Variants in SCAP observed in about 807,000 individuals in gnomAD.
SCAP encodes sterol regulatory element-binding protein cleavage-activating protein.
In SCAP, 65 loss-of-function variants were observed where a neutral mutation model predicts 123.6. The observed-to-expected ratio is 0.53, with a 90% confidence interval of 0.43 to 0.65. SCAP has a LOEUF of 0.65. Ranked by LOEUF, SCAP falls within the 30% of genes least tolerant of loss-of-function variation. SCAP has a pLI of 0.00. For missense variants in SCAP, 1,398 were observed against 1,712.5 expected (o/e 0.82, Z 3.24); for synonymous variants, 740 against 726.3 (o/e 1.02, Z -0.30).
At chr3:47,415,601 AAGC>A (rs1406942318) in intron 18 of SCAP, among the ~76,000 whole-genome samples, 2 of 152,128 alleles carry the variant, frequency 1.3e-5, no homozygotes, top group African/African-American at 2.4e-5. Flanking sequence ...CTCCACATAA[AAGC>A]AGCTTCAACC....
chr3:47,420,401 G>A lies in SCAP; in HGVS notation c.1563+153C>T, dbSNP rs1324464132. On this transcript the variant is annotated intron_variant, in intron 12 of 22. Coordinates refer to ENST00000265565, the MANE Select transcript of SCAP (RefSeq NM_012235.4). This position sits in a 1 kb window ranked among gnomAD's most constrained non-coding sequence, Gnocchi z 5.0. ...AAGCCACTAGGGTCTGGGCAGGGAG[G>A]ACACAACGGGCAACTCCCCAGAGCC... 6.6e-6 allele frequency among the ~76,000 whole-genome samples: 1 copy of A among 152,160 alleles called. No homozygotes were observed. The highest frequency in any genetic ancestry group is 2.4e-5 in the African/African-American group (1 of 41,434).
rs1475081788 is a variant in SCAP, at chr3:47,417,206, A to G, written c.2972T>C (p.Val991Ala). Residue 991 changes from valine to alanine, a missense_variant and splice_region_variant, in exon 18 of 23, where the codon GTG (valine) becomes GCG (alanine). This residue lies in a region of SCAP where 828 missense variants were observed against 882.5 expected (regional missense o/e 0.94). Coordinates refer to ENST00000265565, the MANE Select transcript of SCAP (RefSeq NM_012235.4). ...CAGCACCCCTTCAATGGCGTCCCAC[A>G]CCTACGAGTCCAGAGGCTGTGAGCA... The part of the protein sequence containing the change: ...VVGRSSGRLE[V>A]WDAIEGVLCC... The G allele has an allele frequency of 6.2e-7, 1 of 1,612,852 alleles. No individual in the cohort carries two copies. Among genetic ancestry groups the G allele is most frequent in the Non-Finnish European group, 8.5e-7 (1 of 1,179,962 alleles).
Position 47,417,126 on chromosome 3 carries a change from T to G in SCAP, c.3052A>C (p.Lys1018Gln). The G allele has an allele frequency of 6.2e-7, 1 of 1,613,032 alleles. No homozygotes were observed. The highest frequency in any genetic ancestry group is 1.3e-5 in the African/African-American group (1 of 75,042). ...SGITALVFLD[K>Q]RIVAARLNGS... Reference sequence around the variant, plus strand: ...GCTGAGGCAGGCCACGCTCACCTTTTGTCCAAGAACACCAGAGCGGTAATG... The same window carrying G: ...GCTGAGGCAGGCCACGCTCACCTTTGGTCCAAGAACACCAGAGCGGTAATG... The change falls in exon 18 of 23, where the codon AAA (lysine) becomes CAA (glutamine). Residue 1018 changes from lysine to glutamine, a missense_variant. By Grantham distance (53) the Lys-to-Gln change is moderately conservative (BLOSUM62 1). Coordinates refer to ENST00000265565, the MANE Select transcript of SCAP (RefSeq NM_012235.4).
At chr3:47,435,469 T>TACACAC (rs57702290) in intron 2 of SCAP, among the ~76,000 whole-genome samples, 4,439 of 91,746 alleles carry the variant, frequency 0.048, 210 homozygotes, top group African/African-American at 0.11. Flanking sequence ...AATATAAACA[T>TACACAC]ACACACACAC....
chr3:47,420,842 G>A lies in SCAP; in HGVS notation c.1345-70C>T. 6.9e-7 allele frequency: 1 copy of A among 1,445,980 alleles called. No individual in the cohort carries two copies. Among genetic ancestry groups the A allele is most frequent in the Non-Finnish European group, 9.2e-7 (1 of 1,081,342 alleles). 89.6% of individuals were successfully genotyped at this position (1,445,980 alleles called of 1,614,324 possible). ...GCTGCTCGCACAGGACCGCTGTCCT[G>A]CCCGAGGTCTACACCCTTCTCACCC... On this transcript the variant is annotated intron_variant, in intron 11 of 22. Transcript: ENST00000265565. The surrounding 1 kb of genome is among the most constrained non-coding windows in gnomAD (Gnocchi z 5.0).
intron 20 of SCAP, 85 bp from the exon 21 acceptor site, chr3:47,414,737 A>G: frequency 1.2e-6 from 2 of 1,608,248 alleles, no homozygotes; most frequent in Non-Finnish European, 1.7e-6. Flanking sequence ...GTTCTTCATC[A>G]GGACTCTTCC....
intron 3 of SCAP, among the ~76,000 whole-genome samples, chr3:47,432,541 G>A (rs181449719): frequency 1.3e-4 from 20 of 152,180 alleles, no homozygotes; most frequent in African/African-American, 3.6e-4. Context: ...CACACCACGC[G>A]TATGCAATAA....
rs150219185 is a variant in SCAP at position 47,466,886 on chromosome 3, C to A, written c.-99+8913G>T. Among the ~76,000 whole-genome samples the A allele has an allele frequency of 3.5e-3, 535 of 152,100 alleles. 4 individuals are homozygous for A. The highest frequency in any genetic ancestry group is 0.017 in the East Asian group (87 of 5,172). On this transcript the variant is annotated intron_variant, in intron 1 of 22. Transcript: ENST00000265565. Reference sequence around the variant, plus strand: ...ACTGCTTGAGCTCAGAAGTTTGAGACCAGCCTGGACAACATGGCAAGACCC... The same window carrying A: ...ACTGCTTGAGCTCAGAAGTTTGAGAACAGCCTGGACAACATGGCAAGACCC...
In SCAP at chr3:47,427,301, C is replaced by T. The variant is rs79639552; in HGVS notation, c.632-39G>A. 2.5e-4 allele frequency: 385 copies of T among 1,570,324 alleles called. No homozygotes were observed. In the African/African-American group the frequency reaches 4.6e-3, roughly 19 times the overall value. ...CCAGCAGGTACTGACACAGAAATGA[C>T]AGCTACTGCAGAGCCACCAAGGACC... On this transcript the variant is annotated intron_variant, in intron 5 of 22. Coordinates refer to ENST00000265565, the MANE Select transcript of SCAP (RefSeq NM_012235.4).
At chr3:47,470,667 A>C (rs1707993070) in intron 1 of SCAP, among the ~76,000 whole-genome samples, 1 of 152,224 alleles carries the variant, frequency 6.6e-6, no homozygotes, top group Non-Finnish European at 1.5e-5. Flanking sequence ...GTTCAAGACT[A>C]GCCTGGCCAA....
Position 47,418,309 on chromosome 3 carries a change from G to A in SCAP, c.2331+12C>T. 1 of 1,556,566 alleles carries A rather than the reference G, an allele frequency of 6.4e-7. No individual in the cohort carries two copies. ...CGGCCCTCCCCTACCCGGCCACTGT[G>A]CCCCTGCTCACCATGAGGTGGCCGC... On this transcript the variant is annotated intron_variant, in intron 15 of 22. Coordinates refer to ENST00000265565, the MANE Select transcript of SCAP (RefSeq NM_012235.4).
rs189237940 is a variant in SCAP, at chr3:47,446,120, C to T, written c.-98-3029G>A. On this transcript the variant is annotated intron_variant, in intron 1 of 22. Coordinates refer to ENST00000265565, the MANE Select transcript of SCAP (RefSeq NM_012235.4). ...CAATCTCTTGACCTCGTGATCTGAC[C>T]GCCTCAGCCTCCCAAAGTGCTGAGA... 7.5e-3 allele frequency among the ~76,000 whole-genome samples: 1,129 copies of T among 151,488 alleles called. 18 individuals carry two copies. Among genetic ancestry groups the T allele is most frequent in the African/African-American group, 0.026 (1,058 of 41,274 alleles).
At chr3:47,441,121 C>T (rs185796500) in intron 2 of SCAP, among the ~76,000 whole-genome samples, 5 of 152,056 alleles carry the variant, frequency 3.3e-5, no homozygotes, top group Admixed American at 6.6e-5. Context: ...AGGATGGTCT[C>T]GATCGCCTGA....
At chr3:47,414,539 CTG>C (rs772174740) in intron 21 of SCAP, 31 bp downstream of exon 21, 5 of 1,612,190 alleles carry the variant, frequency 3.1e-6, no homozygotes, top group East Asian at 2.2e-5. Context: ...GCCACAGACT[CTG>C]TACCCCCTAC....
intron 1 of SCAP, among the ~76,000 whole-genome samples, chr3:47,456,655 C>T (rs1378177038): frequency 6.6e-6 from 1 of 151,544 alleles, no homozygotes; most frequent in African/African-American, 2.4e-5. Context: ...GTCTCAGCTA[C>T]TCAGGAGGCT....
chr3:47,424,904 C>T (rs1190694158), intron 8 of SCAP, among the ~76,000 whole-genome samples: 1 of 152,040 alleles, frequency 6.6e-6, no homozygotes, highest in Non-Finnish European at 1.5e-5. Context: ...GAGGACAAGC[C>T]GAGGGAAGGG....
intron 21 of SCAP, 42 bp from the exon 22 acceptor site, chr3:47,414,428 T>TA: frequency 6.2e-7 from 1 of 1,607,162 alleles, no homozygotes; most frequent in Non-Finnish European, 8.5e-7. Context: ...CATGGTGTAA[T>TA]ACCTCTGTCA....
At chr3:47,451,922 T>G (rs1707242710) in intron 1 of SCAP, among the ~76,000 whole-genome samples, 1 of 59,548 alleles carries the variant, frequency 1.7e-5, no homozygotes, top group Admixed American at 2.2e-4. Flanking sequence ...CAATGCCTTA[T>G]GTGTGCCAAC....
rs1200995019 is a variant in SCAP at position 47,414,114 on chromosome 3, A to G, written c.3595-15T>C. Reference sequence around the variant, plus strand: ...CAGCCCAGGTCCTGGAGGCAAGGACATGACAAGCTCAGTCCTGAGTCCTTC... The same window carrying G: ...CAGCCCAGGTCCTGGAGGCAAGGACGTGACAAGCTCAGTCCTGAGTCCTTC... On this transcript the variant is annotated splice_polypyrimidine_tract_variant and intron_variant, in intron 22 of 22. Coordinates refer to ENST00000265565, the MANE Select transcript of SCAP (RefSeq NM_012235.4). The G allele has an allele frequency of 2.5e-6, 4 of 1,613,480 alleles. No individual in the cohort carries two copies. The highest frequency in any genetic ancestry group is 1.7e-5 in the Admixed American group (1 of 60,022).
Sources: gnomAD v4.1 joint callset for allele counts (sites outside exome capture counted in the v4.1 genomes callset) on GRCh38, gnomAD v4.1.1 for gene constraint, gnomAD v4.1.1 regional missense constraint, Gnocchi (gnomAD v3.1) non-coding constraint, MANE v1.5 for transcripts, NCBI Gene and HGNC (gene_info 2026-07-23, HGNC 2026-07-21) for gene names.